Variants in RAPGEF4 observed in about 807,000 individuals in gnomAD.
RAPGEF4 encodes RAP guanine-nucleotide-exchange factor (GEF) 4.
A neutral mutation model predicts 147.9 loss-of-function variants in RAPGEF4; 66 were observed. The ratio of observed to expected loss-of-function variants is 0.45; its 90% CI spans 0.37 to 0.55. The LOEUF (loss-of-function observed/expected upper bound fraction) is 0.55. Among genes scored for constraint, RAPGEF4 ranks in the 20% least tolerant of loss-of-function variants. The pLI is 0.00. For missense variants in RAPGEF4, 1,071 were observed against 1,257.3 expected (o/e 0.85, Z 2.24); for synonymous variants, 419 against 442.7 (o/e 0.95, Z 0.67).
chr2:172,800,100 G>A (rs1428447452), intron 3 of RAPGEF4, among the ~76,000 whole-genome samples: 5 of 152,210 alleles, frequency 3.3e-5, no homozygotes, highest in South Asian at 2.1e-4. Flanking sequence ...AGCTGGGCTC[G>A]GTCTTCTTTT....
chr2:172,975,314 A>G (rs1347052343), intron 10 of RAPGEF4, among the ~76,000 whole-genome samples: 2 of 152,180 alleles, frequency 1.3e-5, no homozygotes, highest in East Asian at 1.9e-4. Context: ...CTTAATCACT[A>G]ATATTTGAAT....
At chr2:172,798,402 C>T (rs900883958) in intron 3 of RAPGEF4, among the ~76,000 whole-genome samples, 10 of 152,140 alleles carry the variant, frequency 6.6e-5, no homozygotes, top group African/African-American at 2.4e-4. Context: ...TACACAACCT[C>T]ACTGTTTAGA....
At chr2:172,895,214 C>T (rs1698348954) in intron 4 of RAPGEF4, among the ~76,000 whole-genome samples, 1 of 152,152 alleles carries the variant, frequency 6.6e-6, no homozygotes, top group African/African-American at 2.4e-5. Context: ...ATCCTTGATT[C>T]CGTGTCCTGT....
At position 172,846,186 on chromosome 2, in the gene RAPGEF4, C is replaced by G. The variant is rs559910822; in HGVS notation, c.444+31761C>G. ...CAGATGGTGTAACCACTGTCATAATCTAGTTTTAGAGCAGTTTTATCCTTC... is the reference window on the plus strand; with the variant it reads ...CAGATGGTGTAACCACTGTCATAATGTAGTTTTAGAGCAGTTTTATCCTTC... On this transcript the variant is annotated intron_variant, in intron 4 of 30. Coordinates refer to ENST00000397081, the MANE Select transcript of RAPGEF4 (RefSeq NM_007023.4). Among the ~76,000 whole-genome samples, 11 of 152,300 alleles carry G rather than the reference C, an allele frequency of 7.2e-5. No individual in the cohort carries two copies. The East Asian group carries it at 1.5e-3, about 21-fold the overall frequency.
chr2:172,766,568 A>G (rs1696865029), intron 1 of RAPGEF4, among the ~76,000 whole-genome samples: 1 of 151,984 alleles, frequency 6.6e-6, no homozygotes, highest in Admixed American at 6.6e-5. Context: ...AATTTGGTAC[A>G]TTTTGACTTA....
In RAPGEF4 at chr2:173,044,072, C is replaced by T. The variant is rs182065359; in HGVS notation, c.2854-4528C>T. On this transcript the variant is annotated intron_variant, in intron 29 of 30. Coordinates refer to ENST00000397081, the MANE Select transcript of RAPGEF4 (RefSeq NM_007023.4). ...AACAAGTGCTCTGTAGACCGAGCAG[C>T]GCTGTCTTATAGGCAGGGTAGCACA... 4.4e-4 allele frequency among the ~76,000 whole-genome samples: 67 copies of T among 152,258 alleles called. 1 individual carries two copies. In the East Asian group the frequency reaches 0.012, roughly 28 times the overall value.
intron 6 of RAPGEF4, among the ~76,000 whole-genome samples, chr2:172,932,731 T>C (rs558050633): frequency 2.4e-4 from 36 of 152,318 alleles, no homozygotes; most frequent in African/African-American, 8.2e-4. Flanking sequence ...TGCCCAGGGT[T>C]AGTATGGCAG....
At chr2:172,983,447 C>A in intron 10 of RAPGEF4, 49 bp from the exon 11 acceptor site, 1 of 1,574,348 alleles carries the variant, frequency 6.4e-7, no homozygotes, top group Non-Finnish European at 8.5e-7. Flanking sequence ...GTTTGAGGCC[C>A]TAGTGATGCC....
intron 3 of RAPGEF4, among the ~76,000 whole-genome samples, chr2:172,798,025 C>T (rs146487727): frequency 3.2e-4 from 48 of 152,254 alleles, no homozygotes; most frequent in African/African-American, 1.1e-3. Context: ...GAAGTGATCC[C>T]CTCATCGGCC....
At chr2:172,971,410 T>A (rs1179132925) in intron 10 of RAPGEF4, among the ~76,000 whole-genome samples, 1 of 152,118 alleles carries the variant, frequency 6.6e-6, no homozygotes, top group Non-Finnish European at 1.5e-5. Flanking sequence ...AGTAGAAGCC[T>A]AAGTAAGTTG....
intron 29 of RAPGEF4, among the ~76,000 whole-genome samples, chr2:173,040,172 G>A (rs1466050976): frequency 1.4e-5 from 2 of 147,068 alleles, no homozygotes; most frequent in African/African-American, 5.1e-5. Context: ...TGGATGACAA[G>A]AGCAAGACTC....
chr2:173,002,250 T>C (rs1453728705), intron 17 of RAPGEF4, among the ~76,000 whole-genome samples: 4 of 152,202 alleles, frequency 2.6e-5, no homozygotes, highest in Non-Finnish European at 5.9e-5. Flanking sequence ...CTCCTCTAGA[T>C]ACCAAAATTT....
At chr2:173,027,036 T>A (rs1168264439) in intron 24 of RAPGEF4, 45 bp from the exon 25 acceptor site, 1 of 1,504,114 alleles carries the variant, frequency 6.6e-7, no homozygotes, top group African/African-American at 1.4e-5. Context: ...GCTGGTGTTT[T>A]GATTTAAAAA....
chr2:173,014,700 G>T, intron 18 of RAPGEF4, 86 bp downstream of exon 18: 1 of 1,252,256 alleles, frequency 8.0e-7, no homozygotes, highest in Non-Finnish European at 1.1e-6. Context: ...TCCCTGGAGA[G>T]ACCGTAATTG....
rs542797723 is a variant in RAPGEF4, at chr2:172,919,538, C to G, written c.517+1664C>G. Among the ~76,000 whole-genome samples, 8 of 152,118 alleles carry G rather than the reference C, an allele frequency of 5.3e-5. No individual in the cohort carries two copies. The East Asian group carries it at 9.7e-4, about 18-fold the overall frequency. ...TCTCTTCCATAGGTACTTCTTCCCC[C>G]GCTTATGGAAGAGTTTAGCCATGGC... is the stretch of plus-strand genomic sequence containing the variant. On this transcript the variant is annotated intron_variant, in intron 5 of 30. Coordinates refer to ENST00000397081, the MANE Select transcript of RAPGEF4 (RefSeq NM_007023.4).
intron 4 of RAPGEF4, among the ~76,000 whole-genome samples, chr2:172,868,390 T>C (rs1214794256): frequency 6.6e-6 from 1 of 152,220 alleles, no homozygotes; most frequent in Non-Finnish European, 1.5e-5. Flanking sequence ...TTTTGTAGAA[T>C]TAGAGCAGAC....
At chr2:173,006,701 A>G (rs1186745872) in intron 17 of RAPGEF4, among the ~76,000 whole-genome samples, 1 of 152,230 alleles carries the variant, frequency 6.6e-6, no homozygotes, top group South Asian at 2.1e-4. Flanking sequence ...TTATAAGTGG[A>G]ACATTTATCA....
chr2:172,877,642 C>T (rs1441968183), intron 4 of RAPGEF4, among the ~76,000 whole-genome samples: 2 of 152,148 alleles, frequency 1.3e-5, no homozygotes, highest in Non-Finnish European at 2.9e-5. Flanking sequence ...GCTGCGGCAC[C>T]AGCTGTAACC....
intron 4 of RAPGEF4, among the ~76,000 whole-genome samples, chr2:172,845,723 A>G (rs931713438): frequency 3.9e-5 from 6 of 152,240 alleles, no homozygotes; most frequent in African/African-American, 1.4e-4. Context: ...TAACCATTTT[A>G]GATATACAAT....
Sources: gnomAD v4.1 joint callset for allele counts (sites outside exome capture counted in the v4.1 genomes callset) on GRCh38, gnomAD v4.1.1 for gene constraint, MANE v1.5 for transcripts, NCBI Gene and HGNC (gene_info 2026-07-23, HGNC 2026-07-21) for gene names.